The following TIPRL variants were observed in gnomAD, a reference collection of about 807,000 sequenced individuals.
TIPRL encodes the protein TIP41-like protein.
A neutral mutation model predicts 32.3 loss-of-function variants in TIPRL; 10 were observed. That is an observed-to-expected ratio of 0.31 (90% CI 0.19 to 0.52). The LOEUF (loss-of-function observed/expected upper bound fraction) is 0.52. Among genes scored for constraint, TIPRL ranks in the 20% least tolerant of loss-of-function variants. The pLI is 0.96. For missense variants in TIPRL, 250 were observed against 328.1 expected (o/e 0.76, Z 1.84); for synonymous variants, 100 against 114.0 (o/e 0.88, Z 0.78).
In TIPRL at chr1:168,184,049, A is replaced by G. The variant is rs1699998995; in HGVS notation, c.252A>G (p.Lys84=). ...RCVNNYQGML[K]VACAEEWQES... ...TAAACAACTACCAAGGAATGCTTAAAGTGGCCTGTGCTGAAGAGTGGCAAG... is the reference window on the plus strand; with the variant it reads ...TAAACAACTACCAAGGAATGCTTAAGGTGGCCTGTGCTGAAGAGTGGCAAG... Residue 84 remains lysine (K), a synonymous_variant, in exon 2 of 7, where the codon AAA becomes AAG. Coordinates refer to ENST00000367833, the MANE Select transcript of TIPRL (RefSeq NM_152902.5). The G allele has an allele frequency of 1.2e-6, 2 of 1,613,854 alleles. No homozygotes were observed. The highest frequency in any genetic ancestry group is 2.2e-5 in the South Asian group (2 of 91,082).
rs1436275423 is a variant in TIPRL, at chr1:168,178,992, G to C, written c.-86G>C. ...AACGGCTCGGAAGCCTAGGAGGCTG[G>C]GCCGGAGGGAGGCGGAGGAACCGGT... is the stretch of plus-strand genomic sequence containing the variant. On this transcript the variant is annotated 5_prime_UTR_variant, in exon 1 of 7. Coordinates refer to ENST00000367833, the MANE Select transcript of TIPRL (RefSeq NM_152902.5). 6 of 1,251,908 alleles carry C rather than the reference G, an allele frequency of 4.8e-6. No individual in the cohort carries two copies. The highest frequency in any genetic ancestry group is 6.7e-6 in the Non-Finnish European group (6 of 893,694). The allele number at this position is 1,251,908 out of a possible 1,614,324, so 77.5% of individuals were successfully genotyped here.
Position 168,183,779 on chromosome 1 carries a change from T to C in TIPRL, c.105-123T>C, listed in dbSNP as rs959745634. The C allele has an allele frequency of 3.0e-6, 3 of 991,384 alleles. 1 individual carries two copies. In the Admixed American group the frequency reaches 7.2e-5, roughly 24 times the overall value. 61.4% of individuals were successfully genotyped at this position (991,384 alleles called of 1,614,324 possible). A position where few individuals can be genotyped will look rare whatever the true frequency, so the allele number is the denominator to read the frequency against. Reference sequence around the variant, plus strand: ...TTATAGACCTTGCAAATATATCATATTGATTAAATCATGTGCTGTGTAACT... The same window carrying C: ...TTATAGACCTTGCAAATATATCATACTGATTAAATCATGTGCTGTGTAACT... On this transcript the variant is annotated intron_variant, in intron 1 of 6. Coordinates refer to ENST00000367833, the MANE Select transcript of TIPRL (RefSeq NM_152902.5).
In TIPRL at chr1:168,187,414, A is replaced by C. The variant is rs188617714; in HGVS notation, c.384+2536A>C. Among the ~76,000 whole-genome samples the C allele has an allele frequency of 3.0e-3, 450 of 152,328 alleles. 2 individuals are homozygous for C. Among genetic ancestry groups the C allele is most frequent in the African/African-American group, 0.01 (426 of 41,576 alleles). ...CAGCTGTACAAACAAGGAGTGTGAG[A>C]GTAGTAGAAGGCAAAAAGCATTTGT... On this transcript the variant is annotated intron_variant, in intron 3 of 6. Transcript: ENST00000367833.
Position 168,198,913 on chromosome 1 carries a change from A to G in TIPRL, c.613-6A>G, listed in dbSNP as rs762987490. On this transcript the variant is annotated splice_region_variant and splice_polypyrimidine_tract_variant and intron_variant, in intron 5 of 6. Transcript: ENST00000367833. Reference sequence around the variant, plus strand: ...ATTTATTGCAACTGTTTATTTTTAAATACAGGCTGACAAGACCTACATGTT... The same window carrying G: ...ATTTATTGCAACTGTTTATTTTTAAGTACAGGCTGACAAGACCTACATGTT... 1 of 1,607,584 alleles carries G rather than the reference A, an allele frequency of 6.2e-7. No homozygotes were observed. The highest frequency in any genetic ancestry group is 8.5e-7 in the Non-Finnish European group (1 of 1,177,062).
At chr1:168,196,801 A>G (rs967450869) in intron 5 of TIPRL, among the ~76,000 whole-genome samples, 159 bp downstream of exon 5, 3 of 152,216 alleles carry the variant, frequency 2.0e-5, no homozygotes, top group Non-Finnish European at 4.4e-5. Flanking sequence ...ACTGCAGGCT[A>G]TCATCAAAAC....
chr1:168,188,362 C>T lies in TIPRL; in HGVS notation c.385-3007C>T, dbSNP rs142500758. Among the ~76,000 whole-genome samples, 15 of 152,238 alleles carry T rather than the reference C, an allele frequency of 9.9e-5. No individual in the cohort carries two copies. The East Asian group carries it at 1.5e-3, about 16-fold the overall frequency. On this transcript the variant is annotated intron_variant, in intron 3 of 6. Transcript: ENST00000367833. The stretch of plus-strand genomic sequence containing the variant: ...CAAACTTCTTCTGTAAAGAGTCAGA[C>T]GTAAATATTTTAGGCTTTGTGGGCC...
chr1:168,196,423 A>G (rs1700153354), intron 4 of TIPRL, 124 bp from the exon 5 acceptor site: 1 of 559,036 alleles, frequency 1.8e-6, no homozygotes, highest in South Asian at 4.2e-5. Flanking sequence ...GATTTTTATA[A>G]ACTGTGAATT....
In TIPRL at chr1:168,189,937, G is replaced by C. The variant is rs139400632; in HGVS notation, c.385-1432G>C. Among the ~76,000 whole-genome samples the C allele has an allele frequency of 6.1e-3, 928 of 152,268 alleles. 7 individuals carry two copies. Among genetic ancestry groups the C allele is most frequent in the African/African-American group, 0.021 (883 of 41,550 alleles). On this transcript the variant is annotated intron_variant, in intron 3 of 6. Transcript: ENST00000367833. ...AAGGCATATGTGAAACATTAATGAAGCAATTTACTAATGAGAAAATTCAGA... is the reference window on the plus strand; with the variant it reads ...AAGGCATATGTGAAACATTAATGAACCAATTTACTAATGAGAAAATTCAGA...
chr1:168,201,445 A>G lies in TIPRL; in HGVS notation c.*1399A>G, dbSNP rs1460003854. ...AACTCTATAGTGTATTGCTGGAGCC[A>G]ATAGGCAGGGTATATTTTATTAGCT... On this transcript the variant is annotated 3_prime_UTR_variant, in exon 7 of 7. Coordinates refer to ENST00000367833, the MANE Select transcript of TIPRL (RefSeq NM_152902.5). 6.6e-6 allele frequency: 1 copy of G among 152,098 alleles called. No individual in the cohort carries two copies. 9.4% of individuals were successfully genotyped at this position (152,098 alleles called of 1,614,324 possible).
intron 1 of TIPRL, among the ~76,000 whole-genome samples, chr1:168,181,159 TTTTA>T (rs892639553): frequency 6.6e-5 from 10 of 151,856 alleles, no homozygotes; most frequent in Admixed American, 2.0e-4. Flanking sequence ...ATTTTTGTAT[TTTTA>T]TTTATTTATT....
At chr1:168,191,853 C>T (rs1572434598) in intron 4 of TIPRL, among the ~76,000 whole-genome samples, 1 of 77,744 alleles carries the variant, frequency 1.3e-5, no homozygotes, top group Admixed American at 1.9e-4. Context: ...GCCTGGGCGA[C>T]AGAGCAAAAA....
chr1:168,199,798 C>T (rs1221911283), intron 6 of TIPRL, 105 bp from the exon 7 acceptor site: 5 of 1,198,446 alleles, frequency 4.2e-6, no homozygotes, highest in Admixed American at 5.0e-5. Context: ...ATATATTGCA[C>T]CTGATTTTAA....
rs1170717869 is a variant in TIPRL at position 168,200,444 on chromosome 1, G to T, written c.*398G>T. On this transcript the variant is annotated 3_prime_UTR_variant, in exon 7 of 7. Coordinates refer to ENST00000367833, the MANE Select transcript of TIPRL (RefSeq NM_152902.5). ...TGACTTTCATAGGATTCCTGATCAT[G>T]CATGTTGATGTACTGGCTCTTCACT... 6.3e-6 allele frequency: 1 copy of T among 158,568 alleles called. No individual in the cohort carries two copies. The highest frequency in any genetic ancestry group is 2.4e-5 in the African/African-American group (1 of 41,476). The allele number at this position is 158,568 out of a possible 1,614,324, so 9.8% of individuals were successfully genotyped here. A position where few individuals can be genotyped will look rare whatever the true frequency, so the allele number is the denominator to read the frequency against.
At position 168,181,059 on chromosome 1, in the gene TIPRL, T is replaced by A. The variant is rs532864973; in HGVS notation, c.104+1878T>A. Among the ~76,000 whole-genome samples the A allele has an allele frequency of 1.1e-4, 17 of 152,158 alleles. No homozygotes were observed. In the South Asian group the frequency reaches 3.3e-3, roughly 30 times the overall value. ...GTGCAGTGGCACAGTCTCAGCTCAC[T>A]GCAGCCTCCGCCTTCCAGGTTCAAG... is the stretch of plus-strand genomic sequence containing the variant. On this transcript the variant is annotated intron_variant, in intron 1 of 6. Transcript: ENST00000367833.
At chr1:168,185,171 G>A (rs142967144) in intron 3 of TIPRL, among the ~76,000 whole-genome samples, 176 of 152,224 alleles carry the variant, frequency 1.2e-3, no homozygotes, top group Admixed American at 8.4e-3. Context: ...TTCGGGCCTT[G>A]GTAATGTATT....
intron 4 of TIPRL, 67 bp from the exon 5 acceptor site, chr1:168,196,479 CT>C (rs1700154130): frequency 1.7e-6 from 2 of 1,152,444 alleles, no homozygotes; most frequent in Admixed American, 3.1e-5. Context: ...CAAATTTTTT[CT>C]TTCAGCAAAG....
chr1:168,191,587 C>A, intron 4 of TIPRL, 87 bp downstream of exon 4: 2 of 1,183,690 alleles, frequency 1.7e-6, no homozygotes, highest in Non-Finnish European at 1.1e-6. Flanking sequence ...TAACACTGAG[C>A]CTGGCCGGGC....
intron 3 of TIPRL, among the ~76,000 whole-genome samples, chr1:168,189,268 G>C (rs1332837623): frequency 6.6e-6 from 1 of 152,134 alleles, no homozygotes; most frequent in African/African-American, 2.4e-5. Context: ...AAGTTTTTGG[G>C]TTTTTTTAGC....
intron 3 of TIPRL, 89 bp downstream of exon 3, chr1:168,184,967 A>G (rs1486009713): frequency 5.1e-6 from 4 of 779,440 alleles, no homozygotes; most frequent in East Asian, 5.8e-5. Flanking sequence ...ATTTTTTGCA[A>G]CTATTTTTAT....
Sources: allele counts gnomAD v4.1 joint callset (sites outside exome capture counted in the v4.1 genomes callset), GRCh38; gene constraint gnomAD v4.1.1; transcripts MANE v1.5; gene names NCBI Gene and HGNC (gene_info 2026-07-23, HGNC 2026-07-21).